The following DOP1B variants were observed in gnomAD, a reference collection of about 807,000 sequenced individuals.
The protein encoded by DOP1B is protein DOP1B.
A neutral mutation model predicts 233.5 loss-of-function variants in DOP1B; 174 were observed. That is an observed-to-expected ratio of 0.75 (90% CI 0.66 to 0.85). The LOEUF (loss-of-function observed/expected upper bound fraction) is 0.85. Among genes scored for constraint, DOP1B ranks in the 40% least tolerant of loss-of-function variants. The probability of loss-of-function intolerance (pLI) is 0.00; values close to 1 mark genes in which losing one functional copy is unlikely to be tolerated. For missense variants in DOP1B, 2,652 were observed against 2,846.6 expected, an observed-to-expected ratio of 0.93 and a Z score of 1.56; for synonymous variants, 1,190 against 1,185.6, an observed-to-expected ratio of 1.00 and a Z score of -0.08.
At chr21:36,281,345 C>A in intron 31 of DOP1B, 138 bp from the exon 32 acceptor site, 1 of 815,948 alleles carries the variant, frequency 1.2e-6, no homozygotes, top group Non-Finnish European at 1.8e-6. Flanking sequence ...TACATGGGAA[C>A]AGTAATCTCA....
At chr21:36,259,073 C>T (rs2067140287) in intron 23 of DOP1B, among the ~76,000 whole-genome samples, 1 of 149,642 alleles carries the variant, frequency 6.7e-6, no homozygotes, top group African/African-American at 2.5e-5. Context: ...TCATGCCATT[C>T]TCCTGCCTCA....
intron 2 of DOP1B, among the ~76,000 whole-genome samples, chr21:36,185,526 AG>A (rs2066154526): frequency 2.0e-5 from 3 of 152,220 alleles, no homozygotes; most frequent in Non-Finnish European, 4.4e-5. Context: ...CTACTGATGA[AG>A]AAACTGGAGT....
intron 17 of DOP1B, 76 bp from the exon 18 acceptor site, chr21:36,239,689 A>G: frequency 1.4e-6 from 2 of 1,447,974 alleles, no homozygotes; most frequent in East Asian, 2.6e-5. Context: ...GTGACGCCCT[A>G]TGCCCAGTGT....
At chr21:36,188,823 T>C (rs1385062266) in intron 2 of DOP1B, among the ~76,000 whole-genome samples, 1 of 152,222 alleles carries the variant, frequency 6.6e-6, no homozygotes, top group Non-Finnish European at 1.5e-5. Flanking sequence ...CTAGGAACTT[T>C]TAAAGGAAAC....
chr21:36,227,444 G>A (rs1375577266), intron 12 of DOP1B, among the ~76,000 whole-genome samples: 3 of 151,470 alleles, frequency 2.0e-5, no homozygotes, highest in South Asian at 4.2e-4. Context: ...CTGCTCGGGA[G>A]GCTGAGGCAG....
chr21:36,280,683 A>G lies in DOP1B; in HGVS notation c.6031+337A>G, dbSNP rs186458556. ...TTTTCTACACCTCAGATCCCTTCTC[A>G]TGCACTATCATTAAGTATCATTAAA... On this transcript the variant is annotated intron_variant, in intron 31 of 36. Transcript: ENST00000691173. Among the ~76,000 whole-genome samples, 444 of 152,304 alleles carry G rather than the reference A, an allele frequency of 2.9e-3. 2 individuals are homozygous for G. Among genetic ancestry groups the G allele is most frequent in the Non-Finnish European group, 5.3e-3 (359 of 68,018 alleles).
At chr21:36,169,148 A>T in intron 2 of DOP1B, 1 of 947,890 alleles carries the variant, frequency 1.1e-6, no homozygotes, top group Non-Finnish European at 1.7e-6. Context: ...GCAGAGAATG[A>T]GCACTCGCTT....
At chr21:36,258,653 G>A (rs945236526) in intron 23 of DOP1B, among the ~76,000 whole-genome samples, 4 of 152,194 alleles carry the variant, frequency 2.6e-5, no homozygotes, top group African/African-American at 9.6e-5. Flanking sequence ...TTATCCTCCA[G>A]CTCCTGGTCT....
At chr21:36,264,465 CTTT>C (rs766718183) in intron 26 of DOP1B, among the ~76,000 whole-genome samples, 4 of 140,342 alleles carry the variant, frequency 2.9e-5, no homozygotes, top group African/African-American at 2.6e-5. Flanking sequence ...TTCTTTTTTT[CTTT>C]TTTTTTTTTT....
intron 2 of DOP1B, among the ~76,000 whole-genome samples, chr21:36,189,533 A>G (rs2123449698): frequency 6.6e-6 from 1 of 151,878 alleles, no homozygotes; most frequent in East Asian, 1.9e-4. Context: ...GGAGTTCGAG[A>G]CCGGCCTGGC....
At chr21:36,173,737 T>C (rs1363919265) in intron 2 of DOP1B, among the ~76,000 whole-genome samples, 1 of 152,190 alleles carries the variant, frequency 6.6e-6, no homozygotes, top group Non-Finnish European at 1.5e-5. Context: ...AAAAACATTT[T>C]CATCAAGTGC....
At chr21:36,251,701 G>T (rs556073778) in intron 22 of DOP1B, among the ~76,000 whole-genome samples, 2 of 152,194 alleles carry the variant, frequency 1.3e-5, no homozygotes, top group African/African-American at 2.4e-5. Flanking sequence ...GATTACAGGC[G>T]TGAGCCACCA....
intron 36 of DOP1B, 147 bp from the exon 37 acceptor site, chr21:36,293,173 T>A: frequency 2.4e-6 from 2 of 820,342 alleles, no homozygotes; most frequent in Admixed American, 3.0e-5. Context: ...GCTGCTGCAC[T>A]CCAGCCTGGG....
chr21:36,256,774 A>AC (rs1262005558), intron 23 of DOP1B, among the ~76,000 whole-genome samples: 3 of 151,662 alleles, frequency 2.0e-5, no homozygotes, highest in South Asian at 2.1e-4. Flanking sequence ...GAAAAAAAAA[A>AC]ACAACTGTGT....
chr21:36,178,706 G>A (rs998410156), intron 2 of DOP1B, among the ~76,000 whole-genome samples: 1 of 152,160 alleles, frequency 6.6e-6, no homozygotes, highest in East Asian at 1.9e-4. Flanking sequence ...GCAACTGTTT[G>A]AACAGGAATA....
intron 26 of DOP1B, among the ~76,000 whole-genome samples, chr21:36,266,647 G>T (rs1798151105): frequency 6.6e-6 from 1 of 152,184 alleles, no homozygotes; most frequent in South Asian, 2.1e-4. Context: ...GGGGTTTGTG[G>T]AAGCTTCATT....
intron 10 of DOP1B, among the ~76,000 whole-genome samples, chr21:36,222,718 G>T (rs1330087882): frequency 6.6e-6 from 1 of 151,970 alleles, no homozygotes; most frequent in Non-Finnish European, 1.5e-5. Flanking sequence ...CAGTAGCTCT[G>T]AAATTATTAT....
At chr21:36,226,267 GTTCTT>G (rs1387783324) in intron 12 of DOP1B, among the ~76,000 whole-genome samples, 7 of 151,482 alleles carry the variant, frequency 4.6e-5, no homozygotes, top group African/African-American at 7.3e-5. Flanking sequence ...CAATAGAAAT[GTTCTT>G]TTCTTTTCTC....
In DOP1B at chr21:36,219,492, G is replaced by A; in HGVS notation, c.1250G>A (p.Ser417Asn). The part of the protein sequence containing the change: ...SYTQSGNSLI[S>N]AIKENRNASE... ...ACCCAGAGTGGAAATTCGCTGATAA[G>A]GTATGGGTTTGGCCTTGAACCTCAC... Residue 417 changes from serine to asparagine, a missense_variant and splice_region_variant, in exon 10 of 37, where the codon AGT becomes AAT. This residue lies in a region of DOP1B where 2,617 missense variants were observed against 2,794.3 expected (regional missense o/e 0.94). Transcript: ENST00000691173. 12 of 1,614,096 alleles carry A rather than the reference G, an allele frequency of 7.4e-6. No homozygotes were observed. The highest frequency in any genetic ancestry group is 1.0e-5 in the Non-Finnish European group (12 of 1,180,010).
Sources: allele counts gnomAD v4.1 joint callset (sites outside exome capture counted in the v4.1 genomes callset), GRCh38; gene constraint gnomAD v4.1.1; regional missense constraint gnomAD v4.1.1; transcripts MANE v1.5; gene names NCBI Gene and HGNC (gene_info 2026-07-23, HGNC 2026-07-21).